CUBN: variants seen among roughly 807,000 people sequenced by gnomAD.
CUBN encodes 460 kDa receptor.
A neutral mutation model predicts 405.3 loss-of-function variants in CUBN; 282 were observed. The ratio of observed to expected loss-of-function variants is 0.70; its 90% CI spans 0.63 to 0.77. CUBN has a LOEUF of 0.77. CUBN is among the 30% of genes least tolerant of loss of function. The probability of loss-of-function intolerance (pLI) is 0.00; values close to 1 mark genes in which losing one functional copy is unlikely to be tolerated. For synonymous variants in CUBN, 1,684 were observed against 1,617.0 expected (o/e 1.04, Z -0.99); for missense variants, 4,514 against 4,475.2 (o/e 1.01, Z -0.25).
chr10:17,063,493 T>G (rs1014362576), intron 22 of CUBN, among the ~76,000 whole-genome samples: 2 of 152,204 alleles, frequency 1.3e-5, no homozygotes, highest in African/African-American at 4.8e-5. Flanking sequence ...TTGCTTGCTT[T>G]TTCTTCTCTC....
At chr10:16,836,450 T>C in intron 62 of CUBN, 68 bp from the exon 63 acceptor site, 13 of 1,372,068 alleles carry the variant, frequency 9.5e-6, no homozygotes, top group Non-Finnish European at 1.4e-5. Flanking sequence ...TAACAGAAAT[T>C]AGACTGCATA....
intron 28 of CUBN, among the ~76,000 whole-genome samples, chr10:17,008,022 G>A (rs1834071827): frequency 6.6e-6 from 1 of 152,052 alleles, no homozygotes; most frequent in Non-Finnish European, 1.5e-5. Flanking sequence ...GTGAAGTGGT[G>A]CACCCCTGTA....
intron 54 of CUBN, among the ~76,000 whole-genome samples, chr10:16,897,150 T>C (rs1292882810): frequency 6.6e-6 from 1 of 152,240 alleles, no homozygotes; most frequent in Admixed American, 6.5e-5. Context: ...TATCTCACTG[T>C]TGACATCACT....
chr10:16,928,069 C>T, intron 41 of CUBN, 88 bp downstream of exon 41: 8 of 1,492,254 alleles, frequency 5.4e-6, no homozygotes, highest in Non-Finnish European at 5.6e-6. Context: ...TCCTGGTGCC[C>T]AAAAACATTA....
intron 21 of CUBN, among the ~76,000 whole-genome samples, chr10:17,067,069 A>G (rs1835626691): frequency 6.6e-6 from 1 of 152,166 alleles, no homozygotes; most frequent in Non-Finnish European, 1.5e-5. Flanking sequence ...GAATATGACA[A>G]TGTCCAGCAG....
chr10:17,000,227 T>C (rs1404006760), intron 28 of CUBN, among the ~76,000 whole-genome samples: 4 of 152,178 alleles, frequency 2.6e-5, no homozygotes, highest in African/African-American at 9.7e-5. Flanking sequence ...TTCTCCCTCT[T>C]GTAAGCGAGT....
chr10:17,108,896 A>C (rs1019684391), intron 10 of CUBN, among the ~76,000 whole-genome samples: 7 of 152,192 alleles, frequency 4.6e-5, no homozygotes, highest in Non-Finnish European at 1.0e-4. Flanking sequence ...AAAGAAAGAG[A>C]GCAAAGGGGA....
rs574153014 is a variant in CUBN, at chr10:17,099,944, G to T, written c.1765+61C>A. On this transcript the variant is annotated intron_variant, in intron 14 of 66. Coordinates refer to ENST00000377833, the MANE Select transcript of CUBN (RefSeq NM_001081.4). ...CTCATGTATCCAAAAGTCTAACACT[G>T]ATTAAGAACACTTAATAACCTCAAA... 3.8e-6 allele frequency: 4 copies of T among 1,059,282 alleles called. No individual in the cohort carries two copies. In the South Asian group the frequency reaches 5.1e-5, roughly 13 times the overall value. The allele number at this position is 1,059,282 out of a possible 1,614,324, so 65.6% of individuals were successfully genotyped here.
intron 28 of CUBN, among the ~76,000 whole-genome samples, chr10:16,991,214 G>A (rs927670066): frequency 1.3e-5 from 2 of 152,200 alleles, no homozygotes; most frequent in African/African-American, 4.8e-5. Context: ...GCACACAGTA[G>A]AATAATGCCA....
intron 28 of CUBN, among the ~76,000 whole-genome samples, chr10:16,991,889 G>C (rs1277910330): frequency 1.3e-5 from 2 of 152,062 alleles, no homozygotes; most frequent in Non-Finnish European, 2.9e-5. Flanking sequence ...TCCCATTACT[G>C]GGTATATACC....
At chr10:16,897,412 C>A (rs1841215391) in intron 54 of CUBN, among the ~76,000 whole-genome samples, 1 of 152,180 alleles carries the variant, frequency 6.6e-6, no homozygotes, top group Admixed American at 6.5e-5. Flanking sequence ...TACATTGGTG[C>A]TACCGGGGCT....
intron 54 of CUBN, among the ~76,000 whole-genome samples, chr10:16,893,635 G>A (rs992697498): frequency 6.6e-6 from 1 of 152,076 alleles, no homozygotes; most frequent in African/African-American, 2.4e-5. Flanking sequence ...GTAATCTTTG[G>A]AGGCTGCCTT....
At chr10:17,031,218 G>A (rs1401887486) in intron 27 of CUBN, among the ~76,000 whole-genome samples, 1 of 152,198 alleles carries the variant, frequency 6.6e-6, no homozygotes, top group Non-Finnish European at 1.5e-5. Context: ...AATGTCTTGA[G>A]AAATGAATCA....
intron 65 of CUBN, among the ~76,000 whole-genome samples, chr10:16,829,457 G>A (rs2603796): frequency 0.41 from 62,513 of 151,834 alleles, 13,415 homozygotes; most frequent in East Asian, 0.64. Flanking sequence ...CGCCAGTGAT[G>A]TGAGTGAAGT....
intron 56 of CUBN, among the ~76,000 whole-genome samples, chr10:16,885,063 C>G (rs966987696): frequency 6.6e-6 from 1 of 152,230 alleles, no homozygotes; most frequent in African/African-American, 2.4e-5. Flanking sequence ...ACATGAATCC[C>G]TCAGGCTCAC....
Position 16,900,773 on chromosome 10 carries a change from G to A in CUBN, c.8262C>T (p.Ser2754=). 1 of 1,613,946 alleles carries A rather than the reference G, an allele frequency of 6.2e-7. No individual in the cohort carries two copies. The highest frequency in any genetic ancestry group is 2.2e-5 in the East Asian group (1 of 44,880). ...ATTGTCCTATGATGGGTGATTCAGGGGACCCACCATTCCTGACAGTGACAG... is the reference window on the plus strand; with the variant it reads ...ATTGTCCTATGATGGGTGATTCAGGAGACCCACCATTCCTGACAGTGACAG... ...WDSVTVRNGG[S]PESPIIGQYC... The change falls in exon 53 of 67, where the codon TCC becomes TCT. Residue 2754 remains serine (S), a synonymous_variant. Coordinates refer to ENST00000377833, the MANE Select transcript of CUBN (RefSeq NM_001081.4).
At chr10:17,076,046 G>A (rs1485011299) in intron 17 of CUBN, among the ~76,000 whole-genome samples, 18 of 152,034 alleles carry the variant, frequency 1.2e-4, no homozygotes, top group Admixed American at 1.0e-3. Flanking sequence ...TTGCTTCTTC[G>A]AAGATTGTAG....
At chr10:16,875,664 G>T (rs1564398104) in intron 57 of CUBN, among the ~76,000 whole-genome samples, 1 of 152,168 alleles carries the variant, frequency 6.6e-6, no homozygotes, top group Non-Finnish European at 1.5e-5. Flanking sequence ...ACACAATTAT[G>T]TGGTCTCTGG....
chr10:16,965,006 G>T (rs1247359706), intron 31 of CUBN, among the ~76,000 whole-genome samples: 1 of 152,148 alleles, frequency 6.6e-6, no homozygotes, highest in Non-Finnish European at 1.5e-5. Flanking sequence ...TACATTTCTT[G>T]CCACAGTAAA....
Sources: gnomAD v4.1 joint callset for allele counts (sites outside exome capture counted in the v4.1 genomes callset) on GRCh38, gnomAD v4.1.1 for gene constraint, MANE v1.5 for transcripts, NCBI Gene and HGNC (gene_info 2026-07-23, HGNC 2026-07-21) for gene names.